The following RYR2 variants were observed in gnomAD, a reference collection of about 807,000 sequenced individuals.
RYR2 encodes cardiac muscle ryanodine receptor-calcium release channel.
Under a neutral mutation model 601.1 loss-of-function variants are expected in RYR2, and 227 were observed. That is an observed-to-expected ratio of 0.38 (90% CI 0.34 to 0.42). The LOEUF is 0.42. RYR2 is among the 10% of genes least tolerant of loss of function. The probability of loss-of-function intolerance (pLI) is 1.00; values close to 1 mark genes in which losing one functional copy is unlikely to be tolerated. For missense variants in RYR2, 4,646 were observed against 6,156.5 expected, an observed-to-expected ratio of 0.75 and a Z score of 8.21; for synonymous variants, 2,223 against 2,175.1, an observed-to-expected ratio of 1.02 and a Z score of -0.61.
intron 24 of RYR2, among the ~76,000 whole-genome samples, chr1:237,515,655 C>G (rs1353357913): frequency 7.6e-6 from 1 of 131,594 alleles, no homozygotes; most frequent in East Asian, 2.5e-4. Context: ...CCCTTCCCTC[C>G]CCTTCCCCTC....
intron 68 of RYR2, among the ~76,000 whole-genome samples, 158 bp from the exon 69 acceptor site, chr1:237,708,700 A>G (rs1473811544): frequency 6.6e-6 from 1 of 152,218 alleles, no homozygotes; most frequent in African/African-American, 2.4e-5. Context: ...TGCAATTAGA[A>G]CTTGGACTAG....
At chr1:237,365,609 T>TTAA (rs1558691030) in intron 5 of RYR2, among the ~76,000 whole-genome samples, 2 of 152,224 alleles carry the variant, frequency 1.3e-5, no homozygotes, top group African/African-American at 4.8e-5. Flanking sequence ...GGAAAAATAT[T>TTAA]TAAAACAACA....
At chr1:237,586,304 G>A (rs922735719) in intron 29 of RYR2, among the ~76,000 whole-genome samples, 9 of 152,144 alleles carry the variant, frequency 5.9e-5, no homozygotes, top group Non-Finnish European at 1.0e-4. Context: ...TTACTCCTGT[G>A]TATGTATCAC....
At chr1:237,111,114 C>G (rs1325944859) in intron 1 of RYR2, among the ~76,000 whole-genome samples, 1 of 152,186 alleles carries the variant, frequency 6.6e-6, no homozygotes, top group Non-Finnish European at 1.5e-5. Context: ...AAATGAATAT[C>G]TGTTTGGTAA....
intron 11 of RYR2, among the ~76,000 whole-genome samples, chr1:237,417,705 CAT>C (rs1422732536): frequency 5.9e-5 from 9 of 152,054 alleles, no homozygotes; most frequent in African/African-American, 1.9e-4. Flanking sequence ...ATTTATGAAA[CAT>C]AAATGTATAA....
chr1:237,229,590 C>G (rs1684750819), intron 1 of RYR2, among the ~76,000 whole-genome samples: 1 of 152,202 alleles, frequency 6.6e-6, no homozygotes, highest in African/African-American at 2.4e-5. Context: ...AGGCTGTAAA[C>G]ATCCCCGAGT....
chr1:237,064,921 G>A (rs903071618), intron 1 of RYR2, among the ~76,000 whole-genome samples: 1 of 152,036 alleles, frequency 6.6e-6, no homozygotes, highest in Non-Finnish European at 1.5e-5. Flanking sequence ...CTCAGCGAAA[G>A]TTTAGTTCAG....
intron 20 of RYR2, among the ~76,000 whole-genome samples, chr1:237,500,409 A>G (rs866574360): frequency 6.6e-6 from 1 of 152,212 alleles, no homozygotes. Context: ...TTCCTTTGAC[A>G]TCATTATATA....
At chr1:237,060,812 C>G (rs1239909205) in intron 1 of RYR2, among the ~76,000 whole-genome samples, 1 of 152,070 alleles carries the variant, frequency 6.6e-6, no homozygotes, top group African/African-American at 2.4e-5. Flanking sequence ...TCTGGTTTCA[C>G]TAATAAAAAC....
intron 1 of RYR2, among the ~76,000 whole-genome samples, chr1:237,195,528 C>G (rs896706576): frequency 6.6e-6 from 1 of 152,350 alleles, no homozygotes; most frequent in Non-Finnish European, 1.5e-5. Flanking sequence ...GCTGGGATTA[C>G]AGGTGTGAGC....
intron 5 of RYR2, among the ~76,000 whole-genome samples, chr1:237,369,203 T>C (rs971748436): frequency 2.6e-5 from 4 of 152,162 alleles, no homozygotes; most frequent in Non-Finnish European, 5.9e-5. Context: ...TAAGGTACCA[T>C]GGTTCCCACC....
chr1:237,279,260 A>C (rs1690608780), intron 2 of RYR2, among the ~76,000 whole-genome samples: 1 of 152,194 alleles, frequency 6.6e-6, no homozygotes. Context: ...TTGGCTTTTC[A>C]TGTTCATGAC....
rs1012223247 is a variant in RYR2 at position 237,174,233 on chromosome 1, C to T, written c.49-96264C>T. Among the ~76,000 whole-genome samples the T allele has an allele frequency of 4.9e-4, 74 of 152,046 alleles. 1 individual carries two copies. The highest frequency in any genetic ancestry group is 1.6e-3 in the African/African-American group (67 of 41,468). On this transcript the variant is annotated intron_variant, in intron 1 of 104. Transcript: ENST00000366574. ...TGTATAGTGAGGTTAGAGGATGGTG[C>T]GTTTATAATAAATCGGTGTGGCAGA...
At chr1:237,530,310 CAA>C (rs34521733) in intron 24 of RYR2, 115 bp from the exon 25 acceptor site, 1,832 of 582,162 alleles carry the variant, frequency 3.1e-3, no homozygotes, top group South Asian at 5.5e-3. Context: ...GACTCCGTCT[CAA>C]AAAAAAAAAA....
At chr1:237,152,213 C>T (rs1212899464) in intron 1 of RYR2, among the ~76,000 whole-genome samples, 1 of 152,184 alleles carries the variant, frequency 6.6e-6, no homozygotes, top group African/African-American at 2.4e-5. Context: ...CATAGTATTC[C>T]ATGGTGTATA....
intron 58 of RYR2, among the ~76,000 whole-genome samples, chr1:237,670,182 G>A (rs946805890): frequency 4.0e-5 from 6 of 151,108 alleles, no homozygotes; most frequent in Non-Finnish European, 5.9e-5. Context: ...GCAGGCACTC[G>A]GCAGGCTGAG....
At chr1:237,231,998 T>G (rs1213216531) in intron 1 of RYR2, among the ~76,000 whole-genome samples, 1 of 152,210 alleles carries the variant, frequency 6.6e-6, no homozygotes, top group Admixed American at 6.5e-5. Flanking sequence ...TTCTTTAGCG[T>G]TTTTCTAGTG....
At chr1:237,357,994 G>T (rs892180142) in intron 4 of RYR2, among the ~76,000 whole-genome samples, 14 of 152,070 alleles carry the variant, frequency 9.2e-5, no homozygotes, top group African/African-American at 2.2e-4. Flanking sequence ...GACCTATCCA[G>T]TTCATGTCTT....
intron 1 of RYR2, among the ~76,000 whole-genome samples, chr1:237,183,940 G>A (rs1004033773): frequency 3.3e-5 from 5 of 152,164 alleles, no homozygotes; most frequent in Non-Finnish European, 5.9e-5. Flanking sequence ...TTAATTTCCC[G>A]AGAAGTCAAT....
Sources: gnomAD v4.1 joint callset for allele counts (sites outside exome capture counted in the v4.1 genomes callset) on GRCh38, gnomAD v4.1.1 for gene constraint, MANE v1.5 for transcripts, NCBI Gene and HGNC (gene_info 2026-07-23, HGNC 2026-07-21) for gene names.